The following MYBPC2 variants were observed in gnomAD, a reference collection of about 807,000 sequenced individuals.
The protein encoded by MYBPC2 is myosin binding protein C2.
Under a neutral mutation model 137.0 loss-of-function variants are expected in MYBPC2, and 122 were observed. The ratio of observed to expected loss-of-function variants is 0.89; its 90% CI spans 0.77 to 1.03. MYBPC2 has a LOEUF of 1.03. MYBPC2 is among the 50% of genes least tolerant of loss of function. The pLI, the probability that MYBPC2 is intolerant of heterozygous loss-of-function variation, is 0.00. For missense variants in MYBPC2, 1,500 were observed against 1,534.4 expected, an observed-to-expected ratio of 0.98 and a Z score of 0.37; for synonymous variants, 626 against 612.3, an observed-to-expected ratio of 1.02 and a Z score of -0.33.
intron 26 of MYBPC2, among the ~76,000 whole-genome samples, chr19:50,463,993 C>G (rs2463245): frequency 0.75 from 112,835 of 150,586 alleles, 43,091 homozygotes; most frequent in African/African-American, 0.91. Flanking sequence ...CCAGTGCCAG[C>G]GTCCTGAGGT....
intron 12 of MYBPC2, 81 bp from the exon 13 acceptor site, chr19:50,448,144 C>T (rs2039822220): frequency 2.0e-6 from 3 of 1,484,722 alleles, no homozygotes; most frequent in Non-Finnish European, 2.7e-6. Context: ...TAGACCAGCG[C>T]CTGGCACACA....
rs1266785678 is a variant in MYBPC2, at chr19:50,435,759, T to A, written c.110-17T>A. The A allele has an allele frequency of 6.3e-7, 1 of 1,594,710 alleles. No individual in the cohort carries two copies. Among genetic ancestry groups the A allele is most frequent in the Non-Finnish European group, 8.6e-7 (1 of 1,166,748 alleles). The stretch of plus-strand genomic sequence containing the variant: ...CCTATCTCAGACCTCCTCATCCTAA[T>A]CCTGTCCCCTGAACAGAAGCCCCAC... On this transcript the variant is annotated splice_polypyrimidine_tract_variant and intron_variant, in intron 2 of 27. Coordinates refer to ENST00000357701, the MANE Select transcript of MYBPC2 (RefSeq NM_004533.4). The surrounding 1 kb of genome is among the most constrained non-coding windows in gnomAD (Gnocchi z 4.8).
Position 50,455,122 on chromosome 19 carries a change from C to T in MYBPC2, c.2029C>T (p.Arg677Trp), listed in dbSNP as rs746502452. 144 of 1,612,506 alleles carry T rather than the reference C, an allele frequency of 8.9e-5. No individual in the cohort carries two copies. Among genetic ancestry groups the T allele is most frequent in the African/African-American group, 4.5e-4 (34 of 74,840 alleles). Residue 677 changes from arginine (R) to tryptophan (W), a missense_variant, in exon 19 of 28, where the codon CGG becomes TGG. Physicochemically the swap from Arg to Trp is moderately radical, Grantham distance 101. Coordinates refer to ENST00000357701, the MANE Select transcript of MYBPC2 (RefSeq NM_004533.4). ...GKPVTGYLVE[R>W]KKKGSQRWMK... is the part of the protein sequence containing the mutation. Reference sequence around the variant, plus strand: ...GGAGCCTCCAGGGTACCTCGTAGAGCGGAAGAAGAAGGGCTCTCAGCGCTG... The same window carrying T: ...GGAGCCTCCAGGGTACCTCGTAGAGTGGAAGAAGAAGGGCTCTCAGCGCTG...
chr19:50,462,601 T>TTTTC (rs2039981967), intron 26 of MYBPC2, among the ~76,000 whole-genome samples: 1 of 151,382 alleles, frequency 6.6e-6, no homozygotes, highest in Non-Finnish European at 1.5e-5. Context: ...TCTTTCTTTT[T>TTTTC]TTTTCTTTCT....
At chr19:50,458,535 G>C (rs968844519) in intron 20 of MYBPC2, 52 bp from the exon 21 acceptor site, 19 of 1,590,080 alleles carry the variant, frequency 1.2e-5, no homozygotes, top group Non-Finnish European at 1.4e-5. Context: ...AGAAACGGGA[G>C]CGGAGGATGG....
intron 5 of MYBPC2, among the ~76,000 whole-genome samples, chr19:50,437,043 G>T (rs2039710184): frequency 6.6e-6 from 1 of 152,134 alleles, no homozygotes; most frequent in African/African-American, 2.4e-5. Context: ...GGGTGTCCAG[G>T]TTTAGAGAAG....
In MYBPC2 at chr19:50,443,779, G is replaced by A. The variant is rs761075304; in HGVS notation, c.1096G>A (p.Ala366Thr). The A allele has an allele frequency of 4.3e-6, 7 of 1,613,872 alleles. No individual in the cohort carries two copies. The South Asian group carries it at 4.4e-5, about 10-fold the overall frequency. The change falls in exon 11 of 28, where the codon GCA (alanine) becomes ACA (threonine). Residue 366 changes from alanine (A) to threonine (T), a missense_variant. Ala to Thr is a moderately conservative substitution (Grantham distance 58). Coordinates refer to ENST00000357701, the MANE Select transcript of MYBPC2 (RefSeq NM_004533.4). ...QVFVGDRVEM[A>T]VEVSEEGAQV... ...GTTTGTGGGTGACCGGGTGGAAATG[G>A]CAGTGGAGGTGTCAGAAGAGGGTGC...
At chr19:50,446,184 C>T in intron 12 of MYBPC2, 132 bp downstream of exon 12, 2 of 1,108,638 alleles carry the variant, frequency 1.8e-6, no homozygotes, top group Non-Finnish European at 1.3e-6. Flanking sequence ...GTTCAGCCCA[C>T]CAGGGAGATC....
intron 11 of MYBPC2, among the ~76,000 whole-genome samples, chr19:50,444,141 T>C (rs1472847340): frequency 7.1e-6 from 1 of 140,078 alleles, no homozygotes; most frequent in Non-Finnish European, 1.6e-5. Context: ...AGTCCATCCA[T>C]CCATCCATCC....
At chr19:50,454,422 T>A (rs1020959927) in intron 18 of MYBPC2, 53 bp downstream of exon 18, 5,682 of 159,028 alleles carry the variant, frequency 0.036, 23 homozygotes, top group South Asian at 0.12. Flanking sequence ...TGCCTTCTGT[T>A]TTTTTTTTTT....
Position 50,435,944 on chromosome 19 carries a change from C to T in MYBPC2, c.197-68C>T. The T allele has an allele frequency of 2.6e-6, 4 of 1,550,196 alleles. No homozygotes were observed. In the South Asian group the frequency reaches 3.6e-5, roughly 14 times the overall value. ...GAGGGGCCAGGGTCTCGTTCTGTCT[C>T]CCTCTGGAGAGCCTTATGTTCCTTC... On this transcript the variant is annotated intron_variant, in intron 3 of 27. Transcript: ENST00000357701. The surrounding 1 kb of genome is among the most constrained non-coding windows in gnomAD (Gnocchi z 4.8).
At chr19:50,458,288 C>G (rs1471303091) in intron 20 of MYBPC2, among the ~76,000 whole-genome samples, 1 of 142,354 alleles carries the variant, frequency 7.0e-6, no homozygotes, top group Non-Finnish European at 1.5e-5. Context: ...GCAGCCTGGG[C>G]GACAGGGCGA....
At chr19:50,444,513 C>A (rs899369908) in intron 11 of MYBPC2, among the ~76,000 whole-genome samples, 1 of 152,170 alleles carries the variant, frequency 6.6e-6, no homozygotes. Context: ...TATTCACCAA[C>A]CCAACAAATA....
chr19:50,457,678 A>G (rs1272695037), intron 20 of MYBPC2, among the ~76,000 whole-genome samples: 1 of 127,204 alleles, frequency 7.9e-6, no homozygotes, highest in Non-Finnish European at 1.6e-5. Flanking sequence ...TACCTGGGGA[A>G]AGTTTTTTTT....
Position 50,438,334 on chromosome 19 carries a change from A to G in MYBPC2, c.572+616A>G, listed in dbSNP as rs143098512. 1.0e-3 allele frequency among the ~76,000 whole-genome samples: 156 copies of G among 152,268 alleles called. No homozygotes were observed. In the Middle Eastern group the frequency reaches 0.024, roughly 23 times the overall value. On this transcript the variant is annotated intron_variant, in intron 7 of 27. Coordinates refer to ENST00000357701, the MANE Select transcript of MYBPC2 (RefSeq NM_004533.4). ...ATTTGGTTGGGAGATGCAGGTGCAG[A>G]TAGACAGGTGGGAAGGTGGGTGGAT... is the stretch of plus-strand genomic sequence containing the variant.
intron 13 of MYBPC2, among the ~76,000 whole-genome samples, chr19:50,449,437 A>G (rs1396783450): frequency 6.6e-6 from 1 of 152,166 alleles, no homozygotes; most frequent in Admixed American, 6.5e-5. Flanking sequence ...GTCCTGAGAG[A>G]GCATGGAAGC....
intron 26 of MYBPC2, among the ~76,000 whole-genome samples, chr19:50,463,784 C>G (rs762735896): frequency 6.6e-6 from 1 of 152,038 alleles, no homozygotes; most frequent in African/African-American, 2.4e-5. Context: ...ACTAAAAATA[C>G]AAAAACTAGC....
In MYBPC2 at chr19:50,459,310, C is replaced by G; in HGVS notation, c.2791+4C>G. The G allele has an allele frequency of 6.4e-7, 1 of 1,553,450 alleles. No individual in the cohort carries two copies. The highest frequency in any genetic ancestry group is 8.7e-7 in the Non-Finnish European group (1 of 1,147,324). On this transcript the variant is annotated splice_donor_region_variant and intron_variant, in intron 23 of 27. Transcript: ENST00000357701. ...ACCATCCGCATCCGCGTTGTGGGTGCGCGCGCTGGGGAGGGCCCCTGGAGG... is the reference window on the plus strand; with the variant it reads ...ACCATCCGCATCCGCGTTGTGGGTGGGCGCGCTGGGGAGGGCCCCTGGAGG...
chr19:50,445,544 C>A (rs2445834), intron 11 of MYBPC2, among the ~76,000 whole-genome samples: 2,571 of 152,134 alleles, frequency 0.017, 89 homozygotes, highest in African/African-American at 0.058. Flanking sequence ...AGGTGCCCAC[C>A]ACCACACCTG....
Sources: gnomAD v4.1 joint callset for allele counts (sites outside exome capture counted in the v4.1 genomes callset) on GRCh38, gnomAD v4.1.1 for gene constraint, Gnocchi (gnomAD v3.1) non-coding constraint, MANE v1.5 for transcripts, NCBI Gene and HGNC (gene_info 2026-07-23, HGNC 2026-07-21) for gene names.